PPFIA2: variants seen among roughly 807,000 people sequenced by gnomAD.
PPFIA2 encodes liprin-alpha-2.
In PPFIA2, 46 loss-of-function variants were observed where a neutral mutation model predicts 175.5. That is an observed-to-expected ratio of 0.26 (90% CI 0.21 to 0.34). PPFIA2 has a LOEUF of 0.34. Among genes scored for constraint, PPFIA2 ranks in the 10% least tolerant of loss-of-function variants. The probability of loss-of-function intolerance (pLI) is 1.00; values close to 1 mark genes in which losing one functional copy is unlikely to be tolerated. For missense variants in PPFIA2, 1,179 were observed against 1,506.1 expected (o/e 0.78, Z 3.60); for synonymous variants, 568 against 511.4 (o/e 1.11, Z -1.49).
At chr12:81,598,756 T>A (rs917369656) in intron 4 of PPFIA2, among the ~76,000 whole-genome samples, 1 of 151,928 alleles carries the variant, frequency 6.6e-6, no homozygotes, top group Non-Finnish European at 1.5e-5. Flanking sequence ...CTGTATATAC[T>A]AGGAGTACTA....
intron 4 of PPFIA2, among the ~76,000 whole-genome samples, chr12:81,575,743 A>G (rs1329899321): frequency 6.6e-6 from 1 of 151,784 alleles, no homozygotes; most frequent in African/African-American, 2.4e-5. Context: ...TATATTAGCT[A>G]TGATGAGATT....
chr12:81,313,435 T>C (rs1244513806), intron 22 of PPFIA2, among the ~76,000 whole-genome samples: 1 of 152,106 alleles, frequency 6.6e-6, no homozygotes, highest in Non-Finnish European at 1.5e-5. Flanking sequence ...AGAAACCGTG[T>C]ACTTTTTATT....
chr12:81,535,710 C>T (rs371858807), intron 4 of PPFIA2, among the ~76,000 whole-genome samples: 5 of 151,406 alleles, frequency 3.3e-5, no homozygotes, highest in African/African-American at 9.7e-5. Context: ...TTTTATGACA[C>T]GTGTTACTTT....
intron 22 of PPFIA2, among the ~76,000 whole-genome samples, chr12:81,317,751 AT>A (rs985577984): frequency 6.6e-6 from 1 of 151,634 alleles, no homozygotes; most frequent in Non-Finnish European, 1.5e-5. Context: ...TGTATTTTAA[AT>A]ACTTACAATA....
intron 3 of PPFIA2, among the ~76,000 whole-genome samples, chr12:81,704,432 C>A (rs2076860560): frequency 6.6e-6 from 1 of 151,982 alleles, no homozygotes. Context: ...AAGGTATAAA[C>A]ACACAAAACA....
chr12:81,435,274 G>C (rs1468929546), intron 7 of PPFIA2, among the ~76,000 whole-genome samples: 1 of 152,166 alleles, frequency 6.6e-6, no homozygotes, highest in Non-Finnish European at 1.5e-5. Context: ...CTATATTTCA[G>C]CTCCCACTGA....
At chr12:81,346,998 T>C (rs564758488) in intron 18 of PPFIA2, among the ~76,000 whole-genome samples, 24 of 152,220 alleles carry the variant, frequency 1.6e-4, no homozygotes, top group South Asian at 1.0e-3. Flanking sequence ...GTTGCCATGA[T>C]AGCTCACTGC....
intron 4 of PPFIA2, among the ~76,000 whole-genome samples, chr12:81,667,682 C>G (rs1166623480): frequency 1.3e-5 from 2 of 151,992 alleles, no homozygotes; most frequent in Non-Finnish European, 2.9e-5. Context: ...CTCTACATGT[C>G]TGGACTTCAG....
At chr12:81,595,988 T>C (rs1243333388) in intron 4 of PPFIA2, among the ~76,000 whole-genome samples, 1 of 152,192 alleles carries the variant, frequency 6.6e-6, no homozygotes, top group Non-Finnish European at 1.5e-5. Flanking sequence ...CACCATTTCA[T>C]AATGACAACC....
chr12:81,730,377 C>G (rs1400212630), intron 3 of PPFIA2, among the ~76,000 whole-genome samples: 1 of 151,482 alleles, frequency 6.6e-6, no homozygotes, highest in Non-Finnish European at 1.5e-5. Flanking sequence ...GCTGGGGAGG[C>G]CTCAGGAAAT....
Position 81,339,343 on chromosome 12 carries a change from C to T in PPFIA2, c.2394-9G>A. Reference sequence around the variant, plus strand: ...GAGAGACAGATAAACTACTGCAAAACACAAAAGAGGAAAATACATGCAACA... The same window carrying T: ...GAGAGACAGATAAACTACTGCAAAATACAAAAGAGGAAAATACATGCAACA... On this transcript the variant is annotated splice_polypyrimidine_tract_variant and intron_variant, in intron 20 of 32. Coordinates refer to ENST00000549396, the MANE Select transcript of PPFIA2 (RefSeq NM_003625.5). 2 of 1,556,002 alleles carry T rather than the reference C, an allele frequency of 1.3e-6. No homozygotes were observed. Among genetic ancestry groups the T allele is most frequent in the Non-Finnish European group, 1.7e-6 (2 of 1,154,908 alleles).
rs144906102 is a variant in PPFIA2, at chr12:81,621,167, T to C, written c.303+55624A>G. Among the ~76,000 whole-genome samples, 395 of 152,120 alleles carry C rather than the reference T, an allele frequency of 2.6e-3. 2 individuals carry two copies. Among genetic ancestry groups the C allele is most frequent in the African/African-American group, 9.2e-3 (382 of 41,492 alleles). ...AATGAGAATTTAACATTTGAACAGA[T>C]ATGAGGTGAGAAAGGGAGTCATAGA... On this transcript the variant is annotated intron_variant, in intron 4 of 32. Coordinates refer to ENST00000549396, the MANE Select transcript of PPFIA2 (RefSeq NM_003625.5).
intron 4 of PPFIA2, among the ~76,000 whole-genome samples, chr12:81,586,232 T>C (rs2075290145): frequency 6.6e-6 from 1 of 152,008 alleles, no homozygotes. Context: ...ATCAAGAATA[T>C]TTACGATACA....
chr12:81,427,837 A>G (rs930933760), intron 7 of PPFIA2, among the ~76,000 whole-genome samples: 8 of 152,036 alleles, frequency 5.3e-5, no homozygotes, highest in African/African-American at 1.4e-4. Flanking sequence ...TTTGAAAGAT[A>G]CGTCCAAAAT....
chr12:81,615,677 G>A (rs186099866), intron 4 of PPFIA2, among the ~76,000 whole-genome samples: 1 of 152,196 alleles, frequency 6.6e-6, no homozygotes, highest in East Asian at 1.9e-4. Context: ...TGGCTTTATT[G>A]GAGGGTTAAG....
At chr12:81,470,954 C>T (rs1206746515) in intron 4 of PPFIA2, among the ~76,000 whole-genome samples, 1 of 152,100 alleles carries the variant, frequency 6.6e-6, no homozygotes, top group African/African-American at 2.4e-5. Flanking sequence ...TTGTCTACTT[C>T]TATTTCTGTA....
chr12:81,295,145 G>T, intron 23 of PPFIA2, 110 bp from the exon 24 acceptor site: 2 of 933,916 alleles, frequency 2.1e-6, no homozygotes, highest in South Asian at 1.7e-5. Context: ...CTCACCCCAC[G>T]AGATAAAATG....
intron 10 of PPFIA2, 50 bp downstream of exon 10, chr12:81,375,746 A>G (rs186210251): frequency 3.3e-6 from 5 of 1,527,078 alleles, no homozygotes; most frequent in Non-Finnish European, 4.5e-6. Flanking sequence ...GTTTTGTGAG[A>G]ATGATGAGAA....
intron 22 of PPFIA2, chr12:81,312,268 T>G: frequency 8.6e-7 from 1 of 1,159,894 alleles, no homozygotes; most frequent in Non-Finnish European, 1.2e-6. Flanking sequence ...AACAAGAGCA[T>G]TATTTAAGAT....
Sources: gnomAD v4.1 joint callset for allele counts (sites outside exome capture counted in the v4.1 genomes callset) on GRCh38, gnomAD v4.1.1 for gene constraint, MANE v1.5 for transcripts, NCBI Gene and HGNC (gene_info 2026-07-23, HGNC 2026-07-21) for gene names.